The following FBXW8 variants were observed in gnomAD, a reference collection of about 807,000 sequenced individuals.
FBXW8 encodes the protein F-box and WD repeat domain containing 8.
In FBXW8, 57 loss-of-function variants were observed where a neutral mutation model predicts 65.3. The ratio of observed to expected loss-of-function variants is 0.87; its 90% CI spans 0.71 to 1.09. The LOEUF (loss-of-function observed/expected upper bound fraction) is 1.09. Ranked by LOEUF, FBXW8 falls within the 50% of genes least tolerant of loss-of-function variation. The pLI, the probability that FBXW8 is intolerant of heterozygous loss-of-function variation, is 0.00. For missense variants in FBXW8, 777 were observed against 814.8 expected (o/e 0.95, Z 0.57); for synonymous variants, 308 against 330.2 (o/e 0.93, Z 0.73).
intron 7 of FBXW8, among the ~76,000 whole-genome samples, chr12:117,006,958 G>A (rs1440530530): frequency 6.6e-6 from 1 of 152,208 alleles, no homozygotes; most frequent in Non-Finnish European, 1.5e-5. Context: ...GTAGGGAAAA[G>A]GAGTTGTGAA....
chr12:116,942,671 G>A (rs962147305), intron 2 of FBXW8, among the ~76,000 whole-genome samples: 10 of 151,864 alleles, frequency 6.6e-5, no homozygotes, highest in African/African-American at 2.2e-4. Context: ...ACTGCGCCTG[G>A]CCAAATTTGC....
At chr12:116,997,124 G>C (rs1953395642) in intron 7 of FBXW8, among the ~76,000 whole-genome samples, 1 of 152,144 alleles carries the variant, frequency 6.6e-6, no homozygotes, top group Non-Finnish European at 1.5e-5. Flanking sequence ...AATAAATACA[G>C]TTCTTCTCAC....
Position 117,019,919 on chromosome 12 carries a change from C to T in FBXW8, c.1368-4228C>T, listed in dbSNP as rs543727165. Among the ~76,000 whole-genome samples, 7 of 152,304 alleles carry T rather than the reference C, an allele frequency of 4.6e-5. No homozygotes were observed. In the East Asian group the frequency reaches 5.8e-4, roughly 13 times the overall value. On this transcript the variant is annotated intron_variant, in intron 8 of 10. Transcript: ENST00000652555. Reference sequence around the variant, plus strand: ...TTTGGTTTTATTTAAACAGGAAGTACGCACATTCAAAATGGGCCTCAAAAG... The same window carrying T: ...TTTGGTTTTATTTAAACAGGAAGTATGCACATTCAAAATGGGCCTCAAAAG...
At chr12:116,990,722 G>A (rs182341698) in intron 7 of FBXW8, among the ~76,000 whole-genome samples, 308 of 152,300 alleles carry the variant, frequency 2.0e-3, no homozygotes, top group African/African-American at 7.1e-3. Flanking sequence ...TTCAGCACAA[G>A]GATCCTTCAG....
chr12:116,947,751 A>G (rs945581840), intron 3 of FBXW8, among the ~76,000 whole-genome samples: 4 of 23,236 alleles, frequency 1.7e-4, no homozygotes, highest in East Asian at 2.7e-3. Context: ...AAAAAAAAAA[A>G]AAAGAAAAGA....
Position 116,928,004 on chromosome 12 carries a change from CTTT to C in FBXW8, c.319-11_319-9del, listed in dbSNP as rs58622490. On this transcript the variant is annotated splice_polypyrimidine_tract_variant and intron_variant, in intron 1 of 10. Transcript: ENST00000652555. ...ATATCTAAAAATTATAAACTTCTTT[CTTT>C]TTTTTTTCCCCTCAGAATGAAATGA... 29 of 1,320,844 alleles carry C rather than the reference CTTT, an allele frequency of 2.2e-5. No individual in the cohort carries two copies. The highest frequency in any genetic ancestry group is 3.0e-5 in the Non-Finnish European group (29 of 963,594). The allele number at this position is 1,320,844 out of a possible 1,614,324, so 81.8% of individuals were successfully genotyped here.
intron 7 of FBXW8, among the ~76,000 whole-genome samples, chr12:117,007,059 G>A (rs1283171590): frequency 6.6e-6 from 1 of 152,174 alleles, no homozygotes; most frequent in African/African-American, 2.4e-5. Context: ...GTTAAAAGTG[G>A]TGATTTGTGA....
intron 7 of FBXW8, among the ~76,000 whole-genome samples, chr12:117,006,706 G>GA (rs1192078205): frequency 6.6e-6 from 1 of 152,256 alleles, no homozygotes; most frequent in Admixed American, 6.5e-5. Context: ...CCCAGCTGGG[G>GA]AAGAGGTGGG....
At position 116,994,492 on chromosome 12, in the gene FBXW8, C is replaced by T. The variant is rs1246331700; in HGVS notation, c.1239+5623C>T. On this transcript the variant is annotated intron_variant, in intron 7 of 10. Coordinates refer to ENST00000652555, the MANE Select transcript of FBXW8 (RefSeq NM_153348.3). Reference sequence around the variant, plus strand: ...CTCCTTCCCACTCCCTCCAACCTGCCACCCAGTTTCTCTATCTGGAGCCAA... The same window carrying T: ...CTCCTTCCCACTCCCTCCAACCTGCTACCCAGTTTCTCTATCTGGAGCCAA... 2.6e-5 allele frequency among the ~76,000 whole-genome samples: 4 copies of T among 152,178 alleles called. No homozygotes were observed. In the East Asian group the frequency reaches 7.7e-4, roughly 29 times the overall value.
chr12:116,982,380 CA>C (rs1885363068), intron 5 of FBXW8, among the ~76,000 whole-genome samples: 1 of 152,122 alleles, frequency 6.6e-6, no homozygotes, highest in African/African-American at 2.4e-5. Flanking sequence ...CTATAGTAAC[CA>C]GGGATACCGA....
intron 4 of FBXW8, among the ~76,000 whole-genome samples, chr12:116,956,401 A>G (rs1883651689): frequency 1.3e-5 from 2 of 152,164 alleles, no homozygotes; most frequent in Non-Finnish European, 2.9e-5. Flanking sequence ...AAAACTGCCC[A>G]TACCTCTCTA....
At chr12:116,945,004 A>G (rs1882836733) in intron 2 of FBXW8, among the ~76,000 whole-genome samples, 1 of 152,196 alleles carries the variant, frequency 6.6e-6, no homozygotes, top group Non-Finnish European at 1.5e-5. Flanking sequence ...TTTTTGTCAA[A>G]AGTAAAGAGA....
intron 8 of FBXW8, among the ~76,000 whole-genome samples, chr12:117,022,142 T>C (rs747626804): frequency 1.3e-5 from 2 of 152,254 alleles, no homozygotes; most frequent in South Asian, 4.1e-4. Context: ...TCACTTGTTC[T>C]TTTTTTGCAG....
chr12:117,024,840 G>A (rs1203545866), intron 9 of FBXW8, among the ~76,000 whole-genome samples: 1 of 152,146 alleles, frequency 6.6e-6, no homozygotes, highest in East Asian at 1.9e-4. Flanking sequence ...ACAGAGAAGA[G>A]CACTTAGGAC....
intron 5 of FBXW8, among the ~76,000 whole-genome samples, chr12:116,966,351 T>C (rs2137394413): frequency 6.6e-6 from 1 of 152,272 alleles, no homozygotes; most frequent in East Asian, 1.9e-4. Flanking sequence ...GATCATCTAA[T>C]AGCCTTTCCC....
intron 4 of FBXW8, among the ~76,000 whole-genome samples, chr12:116,959,230 A>T (rs750798210): frequency 1.1e-4 from 16 of 152,138 alleles, no homozygotes; most frequent in Non-Finnish European, 1.9e-4. Context: ...GGTCGAATTG[A>T]TGGGTTAGGG....
intron 5 of FBXW8, among the ~76,000 whole-genome samples, 196 bp from the exon 6 acceptor site, chr12:116,985,010 A>C (rs1885565637): frequency 6.6e-6 from 1 of 152,214 alleles, no homozygotes; most frequent in Non-Finnish European, 1.5e-5. Context: ...AAAGTAAAAT[A>C]AAATATTGTA....
intron 7 of FBXW8, among the ~76,000 whole-genome samples, chr12:117,005,553 A>G (rs1040092236): frequency 6.6e-6 from 1 of 152,174 alleles, no homozygotes; most frequent in Non-Finnish European, 1.5e-5. Flanking sequence ...CCTCCCCTCC[A>G]GTATCTGAGA....
At chr12:116,943,366 T>C (rs192877190) in intron 2 of FBXW8, among the ~76,000 whole-genome samples, 187 of 152,342 alleles carry the variant, frequency 1.2e-3, no homozygotes, top group Non-Finnish European at 2.4e-3. Context: ...CTGTTATTGC[T>C]ATTGTTATTT....
Sources: allele counts gnomAD v4.1 joint callset (sites outside exome capture counted in the v4.1 genomes callset), GRCh38; gene constraint gnomAD v4.1.1; transcripts MANE v1.5; gene names NCBI Gene and HGNC (gene_info 2026-07-23, HGNC 2026-07-21).